MIIP: variants seen among roughly 807,000 people sequenced by gnomAD.
MIIP encodes the protein migration and invasion inhibitory protein.
In MIIP, 44 loss-of-function variants were observed where a neutral mutation model predicts 44.8. That is an observed-to-expected ratio of 0.98 (90% CI 0.77 to 1.26). The LOEUF is 1.26. Among genes scored for constraint, MIIP ranks in the 50% most tolerant of loss-of-function variants. The pLI, the probability that MIIP is intolerant of heterozygous loss-of-function variation, is 0.00. For synonymous variants in MIIP, 225 were observed against 218.3 expected (o/e 1.03, Z -0.27); for missense variants, 496 against 511.7 (o/e 0.97, Z 0.30).
At chr1:12,020,642 C>T (rs1472882591) in intron 1 of MIIP, among the ~76,000 whole-genome samples, 2 of 152,046 alleles carry the variant, frequency 1.3e-5, no homozygotes, top group Non-Finnish European at 2.9e-5. Context: ...TCCTGAGTAG[C>T]TGGGATTACT....
In MIIP at chr1:12,031,979, A is replaced by AC. The variant is rs1640255049; in HGVS notation, c.*174dup. The AC allele has an allele frequency of 1.6e-6, 1 of 642,312 alleles. No homozygotes were observed. Among genetic ancestry groups the AC allele is most frequent in the Non-Finnish European group, 2.7e-6 (1 of 369,838 alleles). 39.8% of individuals were successfully genotyped at this position (642,312 alleles called of 1,614,324 possible). A position where few individuals can be genotyped will look rare whatever the true frequency, so the allele number is the denominator to read the frequency against. ...GCTGCCTGAGTTCCAGAGAGGGAGGACCCTGGGGTGGAGGGTGAGGGATTC... is the reference window on the plus strand; with the variant it reads ...GCTGCCTGAGTTCCAGAGAGGGAGGACCCCTGGGGTGGAGGGTGAGGGATTC... On this transcript the variant is annotated 3_prime_UTR_variant, in exon 10 of 10. Transcript: ENST00000235332.
chr1:12,026,121 G>A lies in MIIP; in HGVS notation c.548-2912G>A, dbSNP rs12726476. On this transcript the variant is annotated intron_variant, in intron 4 of 9. Coordinates refer to ENST00000235332, the MANE Select transcript of MIIP (RefSeq NM_021933.4). ...GGAGTTCGAGACCAGCCTGAGCATC[G>A]TGGTGAAACTCTGTCTCTACTAAAA... Among the ~76,000 whole-genome samples, 644 of 151,912 alleles carry A rather than the reference G, an allele frequency of 4.2e-3. 4 individuals carry two copies. The highest frequency in any genetic ancestry group is 5.5e-3 in the Non-Finnish European group (374 of 67,886).
At chr1:12,022,554 T>A in intron 3 of MIIP, 112 bp downstream of exon 3, 1 of 921,808 alleles carries the variant, frequency 1.1e-6, no homozygotes, top group South Asian at 1.8e-5. Flanking sequence ...AAGAGGCTCC[T>A]GGGAGATACT....
intron 8 of MIIP, 121 bp downstream of exon 8, chr1:12,030,245 G>A: frequency 1.1e-6 from 1 of 914,602 alleles, no homozygotes; most frequent in South Asian, 1.5e-5. Context: ...CAAGTCTCTG[G>A]AGCACAGCCT....
Position 12,029,764 on chromosome 1 carries a change from G to A in MIIP, c.716-1G>A. 1.2e-6 allele frequency: 2 copies of A among 1,611,848 alleles called. No homozygotes were observed. Among genetic ancestry groups the A allele is most frequent in the Non-Finnish European group, 1.7e-6 (2 of 1,178,518 alleles). On this transcript the variant is annotated splice_acceptor_variant, in intron 6 of 9. Transcript: ENST00000235332. LOFTEE classifies it high-confidence loss of function. ...GCTGTGGCTTCTCATGGGCCTCGCA[G>A]GCGTGTACTGTTACCGTGTCAACCG...
rs143363945 is a variant in MIIP at position 12,029,796 on chromosome 1, G to A, written c.747G>A (p.Leu249=). 234 of 1,613,298 alleles carry A rather than the reference G, an allele frequency of 1.5e-4. 1 individual carries two copies. The African/African-American group carries it at 2.9e-3, about 20-fold the overall frequency. The change falls in exon 7 of 10, where the codon CTG becomes CTA. Residue 249 remains leucine, a synonymous_variant. Coordinates refer to ENST00000235332, the MANE Select transcript of MIIP (RefSeq NM_021933.4). The stretch of plus-strand genomic sequence containing the variant: ...ACTGTTACCGTGTCAACCGGCGCCT[G>A]TTCCCGGTGCCTGTGGATCCCGGTA... ...CVYCYRVNRR[L]FPVPVDPGTP...
chr1:12,024,563 G>C (rs1640060843), intron 4 of MIIP, among the ~76,000 whole-genome samples: 1 of 152,100 alleles, frequency 6.6e-6, no homozygotes, highest in African/African-American at 2.4e-5. Context: ...ACAGGTGCCT[G>C]CCACCACACC....
chr1:12,022,558 A>AGATACTGTGAGTTGGGTCTTGCTC (rs1330072686), intron 3 of MIIP, 116 bp downstream of exon 3: 252 of 890,836 alleles, frequency 2.8e-4, no homozygotes, highest in Non-Finnish European at 3.9e-4. Context: ...GGCTCCTGGG[A>AGATACTGTGAGTTGGGTCTTGCTC]GATACTGTGA....
At chr1:12,022,720 G>C (rs1398099781) in intron 3 of MIIP, 113 bp from the exon 4 acceptor site, 1 of 848,008 alleles carries the variant, frequency 1.2e-6, no homozygotes, top group Non-Finnish European at 1.9e-6. Flanking sequence ...CTGAGCCCTG[G>C]GCTGCAAGTC....
At position 12,029,405 on chromosome 1, in the gene MIIP, C is replaced by T. The variant is rs1640176961; in HGVS notation, c.715+124C>T. 2.7e-6 allele frequency: 3 copies of T among 1,108,764 alleles called. No homozygotes were observed. The South Asian group carries it at 4.5e-5, about 16-fold the overall frequency. The allele number at this position is 1,108,764 out of a possible 1,614,324, so 68.7% of individuals were successfully genotyped here. A position where few individuals can be genotyped will look rare whatever the true frequency, so the allele number is the denominator to read the frequency against. On this transcript the variant is annotated intron_variant, in intron 6 of 9. Transcript: ENST00000235332. ...GGGAGGCCCCTGAGATGTTGAGACT[C>T]ATGGAGGGAGGCCTGCAGTCTGGAC...
chr1:12,025,059 TG>T lies in MIIP; in HGVS notation c.547+2143del, dbSNP rs745973858. ...TTTTTTGTTTTTTGTTTTTTGTTGT[TG>T]TTTTTTTTGTTTGTTTTGAGAGAGA... On this transcript the variant is annotated intron_variant, in intron 4 of 9. Coordinates refer to ENST00000235332, the MANE Select transcript of MIIP (RefSeq NM_021933.4). Among the ~76,000 whole-genome samples the T allele has an allele frequency of 2.2e-3, 322 of 149,350 alleles. 5 individuals carry two copies. The East Asian group carries it at 0.039, about 18-fold the overall frequency.
chr1:12,031,847 C>T lies in MIIP; in HGVS notation c.*39C>T. On this transcript the variant is annotated 3_prime_UTR_variant, in exon 10 of 10. Coordinates refer to ENST00000235332, the MANE Select transcript of MIIP (RefSeq NM_021933.4). The stretch of plus-strand genomic sequence containing the variant: ...GGGGAGAACAGCATTCCCGCCGCCT[C>T]CAGCCTCTCCCCTCTGGCAGGCGCA... 6.3e-7 allele frequency: 1 copy of T among 1,581,162 alleles called. No homozygotes were observed. The highest frequency in any genetic ancestry group is 8.7e-7 in the Non-Finnish European group (1 of 1,152,540).
At chr1:12,030,630 T>C (rs1253609981) in intron 8 of MIIP, among the ~76,000 whole-genome samples, 3 of 143,324 alleles carry the variant, frequency 2.1e-5, no homozygotes, top group Non-Finnish European at 4.5e-5. Context: ...TGGCATGGTC[T>C]CAGCTCACTG....
chr1:12,022,721 G>A, intron 3 of MIIP, 112 bp from the exon 4 acceptor site: 1 of 856,452 alleles, frequency 1.2e-6, no homozygotes, highest in Non-Finnish European at 1.9e-6. Context: ...TGAGCCCTGG[G>A]CTGCAAGTCA....
chr1:12,022,698 T>C, intron 3 of MIIP, 135 bp from the exon 4 acceptor site: 1 of 732,216 alleles, frequency 1.4e-6, no homozygotes, highest in Non-Finnish European at 2.3e-6. Context: ...CTTCTTGCTC[T>C]TGTGCCCTTG....
chr1:12,022,809 G>T (rs1039079011), intron 3 of MIIP, 24 bp from the exon 4 acceptor site: 4 of 1,576,552 alleles, frequency 2.5e-6, no homozygotes, highest in Non-Finnish European at 2.6e-6. Context: ...CTTAGTCCTT[G>T]TCCCTCTGTG....
intron 4 of MIIP, 48 bp from the exon 5 acceptor site, chr1:12,028,985 G>A (rs373218138): frequency 1.9e-5 from 29 of 1,497,440 alleles, no homozygotes; most frequent in Non-Finnish European, 2.6e-5. Context: ...CCACACAGCA[G>A]CCCCCAGCCC....
intron 8 of MIIP, among the ~76,000 whole-genome samples, 187 bp downstream of exon 8, chr1:12,030,311 G>A (rs368317909): frequency 2.6e-5 from 4 of 152,144 alleles, no homozygotes; most frequent in African/African-American, 7.2e-5. Flanking sequence ...CCCGCTCCAC[G>A]TACCCCGGTG....
chr1:12,022,362 T>C lies in MIIP; in HGVS notation c.382T>C (p.Ser128Pro). Residue 128 changes from serine (S) to proline (P), a missense_variant, in exon 3 of 10, where the codon TCA becomes CCA. Transcript: ENST00000235332. ...CTCAAGCCTGAGGGACCCAGAGCCC[T>C]CAGGGAGGCTGGGTGATCCAGGACC... Reference protein sequence around the residue: ...GTSSLRDPEPSGRLGDPGPQE... With the variant: ...GTSSLRDPEPPGRLGDPGPQE... 1 of 1,613,206 alleles carries C rather than the reference T, an allele frequency of 6.2e-7. No homozygotes were observed. Among genetic ancestry groups the C allele is most frequent in the South Asian group, 1.1e-5 (1 of 91,028 alleles).
Sources: allele counts gnomAD v4.1 joint callset (sites outside exome capture counted in the v4.1 genomes callset), GRCh38; gene constraint gnomAD v4.1.1; transcripts MANE v1.5; gene names NCBI Gene and HGNC (gene_info 2026-07-23, HGNC 2026-07-21).